The following HERC3 variants were observed in gnomAD, a reference collection of about 807,000 sequenced individuals.
HERC3 encodes the protein HECT and RLD domain containing E3 ubiquitin protein ligase 3.
In HERC3, 58 loss-of-function variants were observed where a neutral mutation model predicts 129.9. The observed-to-expected ratio is 0.45, with a 90% CI of 0.36 to 0.56. The LOEUF (loss-of-function observed/expected upper bound fraction) is 0.56. HERC3 is among the 20% of genes least tolerant of loss of function. HERC3 has a pLI of 0.00. For missense variants in HERC3, 835 were observed against 1,244.2 expected (o/e 0.67, Z 4.95); for synonymous variants, 430 against 451.0 (o/e 0.95, Z 0.59).
At chr4:88,703,223 C>G (rs1735482157) in intron 23 of HERC3, among the ~76,000 whole-genome samples, 1 of 152,160 alleles carries the variant, frequency 6.6e-6, no homozygotes, top group African/African-American at 2.4e-5. Context: ...GACTAGCAGC[C>G]TCCAATCAGA....
chr4:88,642,117 C>T (rs1187076254), intron 3 of HERC3, among the ~76,000 whole-genome samples: 8 of 126,782 alleles, frequency 6.3e-5, no homozygotes, highest in Admixed American at 9.0e-5. Flanking sequence ...GGCAACAGAG[C>T]GAGACTCTGT....
the HERC3 span, among the ~76,000 whole-genome samples, chr4:88,539,882 A>G: frequency 1.3e-5 from 2 of 152,194 alleles, no homozygotes; most frequent in African/African-American, 4.8e-5. Context: ...AACAGAAAGG[A>G]ATAGCATCAA....
chr4:88,581,597 TGC>T, the HERC3 span, among the ~76,000 whole-genome samples: 96 of 152,084 alleles, frequency 6.3e-4, no homozygotes, highest in Non-Finnish European at 1.1e-3. Context: ...TGTGCCAATG[TGC>T]CCGGCCCTCT....
the HERC3 span, among the ~76,000 whole-genome samples, chr4:88,573,646 C>G: frequency 2.6e-5 from 4 of 152,142 alleles, no homozygotes; most frequent in African/African-American, 9.7e-5. Context: ...TTGACGGTCC[C>G]AAAGGAGATT....
At chr4:88,634,898 C>T (rs1489755358) in intron 3 of HERC3, among the ~76,000 whole-genome samples, 6 of 152,052 alleles carry the variant, frequency 3.9e-5, no homozygotes, top group East Asian at 1.9e-4. Flanking sequence ...CCCAGCAAAC[C>T]GCAGCAGCTC....
At chr4:88,648,534 G>A (rs910229156) in intron 3 of HERC3, among the ~76,000 whole-genome samples, 4 of 151,984 alleles carry the variant, frequency 2.6e-5, no homozygotes, top group South Asian at 2.1e-4. Context: ...TACAGTTTTC[G>A]GTGTTGCTTC....
intron 12 of HERC3, among the ~76,000 whole-genome samples, chr4:88,664,950 A>G (rs1003846261): frequency 2.0e-5 from 3 of 152,132 alleles, no homozygotes; most frequent in African/African-American, 7.2e-5. Context: ...TGATGCAGCA[A>G]AAGAGTCTTG....
chr4:88,702,087 C>T (rs1269049234), intron 23 of HERC3, among the ~76,000 whole-genome samples: 1 of 152,186 alleles, frequency 6.6e-6, no homozygotes, highest in African/African-American at 2.4e-5. Context: ...AGCCACTGCA[C>T]CTGGCTAGAC....
the HERC3 span, among the ~76,000 whole-genome samples, chr4:88,531,088 C>A: frequency 8.3e-4 from 127 of 152,208 alleles, no homozygotes; most frequent in African/African-American, 2.8e-3. Context: ...GAACTCCTGG[C>A]CTCAGGCGAT....
the HERC3 span, among the ~76,000 whole-genome samples, chr4:88,556,523 A>G: frequency 1.3e-5 from 2 of 152,344 alleles, no homozygotes; most frequent in South Asian, 4.1e-4. Flanking sequence ...TCACTGTGGT[A>G]ACAGCTACTT....
chr4:88,598,977 A>G (rs748408153), intron 2 of HERC3, among the ~76,000 whole-genome samples: 2 of 152,210 alleles, frequency 1.3e-5, no homozygotes, highest in Admixed American at 6.5e-5. Flanking sequence ...GTAGTCCTAT[A>G]TTTTGCAGCG....
At chr4:88,629,866 GGTGA>G (rs935692126) in intron 3 of HERC3, among the ~76,000 whole-genome samples, 4 of 152,146 alleles carry the variant, frequency 2.6e-5, no homozygotes, top group Non-Finnish European at 5.9e-5. Context: ...GAATTGGAGT[GGTGA>G]GTATTTGTTG....
At chr4:88,659,102 A>T (rs891563841) in intron 10 of HERC3, among the ~76,000 whole-genome samples, 18 of 152,106 alleles carry the variant, frequency 1.2e-4, no homozygotes, top group African/African-American at 4.1e-4. Context: ...TGCTGGGGGA[A>T]TTCAGTCTGG....
At chr4:88,702,745 C>A (rs751100218) in intron 23 of HERC3, among the ~76,000 whole-genome samples, 2 of 152,204 alleles carry the variant, frequency 1.3e-5, no homozygotes, top group Admixed American at 1.3e-4. Context: ...TCTGCATTAC[C>A]TACCCGCTAG....
chr4:88,679,098 C>T (rs905323693), intron 19 of HERC3, among the ~76,000 whole-genome samples: 5 of 152,162 alleles, frequency 3.3e-5, no homozygotes, highest in African/African-American at 1.2e-4. Context: ...TAGTTCTCTG[C>T]CCGAGTCATT....
At chr4:88,558,984 AAT>A in the HERC3 span, among the ~76,000 whole-genome samples, 2 of 149,436 alleles carry the variant, frequency 1.3e-5, no homozygotes, top group East Asian at 2.0e-4. Context: ...AAAAAAAAAA[AAT>A]TCTCATTGAG....
At chr4:88,681,633 A>G (rs1014747008) in intron 21 of HERC3, among the ~76,000 whole-genome samples, 10 of 152,188 alleles carry the variant, frequency 6.6e-5, no homozygotes, top group Non-Finnish European at 1.3e-4. Flanking sequence ...TTGACCTTCC[A>G]TATCCTTGGG....
intron 12 of HERC3, among the ~76,000 whole-genome samples, chr4:88,666,962 G>A (rs913006072): frequency 2.0e-5 from 3 of 152,038 alleles, no homozygotes; most frequent in South Asian, 4.1e-4. Flanking sequence ...CACAGGGGAC[G>A]TTATTTGTAC....
rs111931790 is a variant in HERC3 at position 88,628,900 on chromosome 4, C to T, written c.227-20940C>T. 6.5e-3 allele frequency among the ~76,000 whole-genome samples: 990 copies of T among 152,142 alleles called. 10 individuals carry two copies. Among genetic ancestry groups the T allele is most frequent in the African/African-American group, 0.023 (939 of 41,496 alleles). On this transcript the variant is annotated intron_variant, in intron 3 of 25. Transcript: ENST00000402738. ...CAAAAACCTTAAAAATAGGGCTGGGCGCGGTGGCTCATGGCTGTAATCCCG... is the reference window on the plus strand; with the variant it reads ...CAAAAACCTTAAAAATAGGGCTGGGTGCGGTGGCTCATGGCTGTAATCCCG...
Sources: allele counts gnomAD v4.1 joint callset (sites outside exome capture counted in the v4.1 genomes callset), GRCh38; gene constraint gnomAD v4.1.1; transcripts MANE v1.5; gene names NCBI Gene and HGNC (gene_info 2026-07-23, HGNC 2026-07-21).